TRRAP: variants seen among roughly 807,000 people sequenced by gnomAD.
The protein encoded by TRRAP is transformation/transcription domain associated protein.
In TRRAP, 41 loss-of-function variants were observed where a neutral mutation model predicts 438.8. That is an observed-to-expected ratio of 0.09 (90% CI 0.07 to 0.12). The LOEUF (loss-of-function observed/expected upper bound fraction) is 0.12. TRRAP is among the 10% of genes least tolerant of loss of function. The probability of loss-of-function intolerance (pLI) is 1.00; values close to 1 mark genes in which losing one functional copy is unlikely to be tolerated. For missense variants in TRRAP, 3,122 were observed against 5,055.1 expected (o/e 0.62, Z 11.60); for synonymous variants, 1,994 against 1,962.9 (o/e 1.02, Z -0.42).
chr7:98,951,169 C>G (rs983117411), intron 39 of TRRAP, among the ~76,000 whole-genome samples, 165 bp downstream of exon 39: 2 of 151,354 alleles, frequency 1.3e-5, no homozygotes, highest in African/African-American at 4.9e-5. Context: ...TTTAGCAGAC[C>G]GTCACCTTAA....
intron 67 of TRRAP, among the ~76,000 whole-genome samples, chr7:99,001,902 A>C (rs1204794057): frequency 5.3e-5 from 8 of 152,216 alleles, no homozygotes; most frequent in Non-Finnish European, 1.2e-4. Context: ...ACTGGAAACC[A>C]TGCAGATGCC....
Position 98,976,040 on chromosome 7 carries a change from G to A in TRRAP, c.7840-109G>A. On this transcript the variant is annotated intron_variant, in intron 53 of 72. Transcript: ENST00000456197. This position sits in a 1 kb window ranked among gnomAD's most constrained non-coding sequence, Gnocchi z 4.6. Reference sequence around the variant, plus strand: ...CTCAGATCTTTGAAACTTTGAAAGTGGAGGAGCATCGGTAATGTATGAGAC... The same window carrying A: ...CTCAGATCTTTGAAACTTTGAAAGTAGAGGAGCATCGGTAATGTATGAGAC... 1 of 1,348,532 alleles carries A rather than the reference G, an allele frequency of 7.4e-7. No individual in the cohort carries two copies. Among genetic ancestry groups the A allele is most frequent in the Non-Finnish European group, 1.0e-6 (1 of 1,001,344 alleles). 83.5% of individuals were successfully genotyped at this position (1,348,532 alleles called of 1,614,324 possible). A position where few individuals can be genotyped will look rare whatever the true frequency, so the allele number is the denominator to read the frequency against.
At position 98,994,515 on chromosome 7, in the gene TRRAP, T is replaced by C. The variant is rs1793565273; in HGVS notation, c.10048-72T>C. 3 of 1,596,410 alleles carry C rather than the reference T, an allele frequency of 1.9e-6. No homozygotes were observed. The highest frequency in any genetic ancestry group is 2.7e-5 in the African/African-American group (2 of 74,568). ...CCTGGGCTGGGAGGGCCGCACTCAA[T>C]AGGCGCTTTTGGCTGCTGGTTCTGG... On this transcript the variant is annotated intron_variant, in intron 66 of 72. Transcript: ENST00000456197. The surrounding 1 kb of genome is among the most constrained non-coding windows in gnomAD (Gnocchi z 4.8).
At chr7:98,885,051 A>T (rs782354087) in intron 3 of TRRAP, among the ~76,000 whole-genome samples, 2 of 152,122 alleles carry the variant, frequency 1.3e-5, no homozygotes, top group Non-Finnish European at 2.9e-5. Context: ...ACATATAAGC[A>T]TGAAACCCCA....
At chr7:98,931,780 G>A in intron 26 of TRRAP, 115 bp downstream of exon 26, 1 of 1,441,076 alleles carries the variant, frequency 6.9e-7, no homozygotes, top group Non-Finnish European at 9.3e-7. Context: ...TATCTGTGGG[G>A]CCTTGGTTCC....
chr7:98,919,242 G>C (rs1789674896), intron 20 of TRRAP, among the ~76,000 whole-genome samples: 1 of 152,132 alleles, frequency 6.6e-6, no homozygotes, highest in Non-Finnish European at 1.5e-5. Context: ...GACTGAGTTT[G>C]AGGTTGGGAT....
At chr7:98,880,882 A>G (rs1326493875) in intron 1 of TRRAP, among the ~76,000 whole-genome samples, 4 of 152,232 alleles carry the variant, frequency 2.6e-5, no homozygotes, top group Non-Finnish European at 4.4e-5. Flanking sequence ...AGGAAGGAAC[A>G]GTATCTGCAT....
intron 56 of TRRAP, among the ~76,000 whole-genome samples, 192 bp from the exon 57 acceptor site, chr7:98,978,019 C>T (rs997764382): frequency 1.3e-5 from 2 of 152,188 alleles, no homozygotes; most frequent in African/African-American, 4.8e-5. Context: ...CAGGCAGGCA[C>T]CTGTAGCCCA....
chr7:98,995,471 A>G (rs542657867), intron 67 of TRRAP, among the ~76,000 whole-genome samples: 4 of 152,196 alleles, frequency 2.6e-5, no homozygotes, highest in African/African-American at 7.2e-5. Context: ...GATTCTGGGC[A>G]TCGTAATAGG....
chr7:98,917,432 T>C lies in TRRAP; in HGVS notation c.2375T>C (p.Met792Thr). The C allele has an allele frequency of 6.2e-7, 1 of 1,614,056 alleles. No individual in the cohort carries two copies. The highest frequency in any genetic ancestry group is 8.5e-7 in the Non-Finnish European group (1 of 1,179,940). The change falls in exon 20 of 73, where the codon ATG becomes ACG. Residue 792 changes from methionine (M) to threonine (T), a missense_variant. Coordinates refer to ENST00000456197, the MANE Select transcript of TRRAP (RefSeq NM_001375524.1). Reference sequence around the variant, plus strand: ...GCACCCCCTTCCCTAGGGCTGAACATGCTTCAGAGTGGCCTGCACAAGCAG... The same window carrying C: ...GCACCCCCTTCCCTAGGGCTGAACACGCTTCAGAGTGGCCTGCACAAGCAG... ...LLPNLLQGLN[M>T]LQSGLHKQHM...
At chr7:98,984,477 A>T in intron 61 of TRRAP, 119 bp downstream of exon 61, 1 of 1,262,502 alleles carries the variant, frequency 7.9e-7, no homozygotes, top group South Asian at 1.7e-5. Context: ...CTTTCCACAA[A>T]TACAGCCTCA....
chr7:98,992,078 A>G (rs1793452558), intron 64 of TRRAP, 59 bp from the exon 65 acceptor site: 1 of 1,572,020 alleles, frequency 6.4e-7, no homozygotes, highest in Non-Finnish European at 8.8e-7. Context: ...AGTACAAATT[A>G]TCTTTATCCA....
intron 67 of TRRAP, among the ~76,000 whole-genome samples, chr7:98,997,371 C>T (rs1181967669): frequency 6.7e-6 from 1 of 150,368 alleles, no homozygotes; most frequent in East Asian, 2.0e-4. Context: ...TCTTACTTTA[C>T]TACCAAGCCA....
chr7:98,918,470 C>A (rs992586446), intron 20 of TRRAP, among the ~76,000 whole-genome samples: 1 of 151,642 alleles, frequency 6.6e-6, no homozygotes, highest in Non-Finnish European at 1.5e-5. Context: ...CCTCATGATC[C>A]GCCCACCTCA....
At chr7:98,916,911 C>T (rs1171238833) in intron 19 of TRRAP, among the ~76,000 whole-genome samples, 2 of 152,130 alleles carry the variant, frequency 1.3e-5, no homozygotes, top group Non-Finnish European at 2.9e-5. Flanking sequence ...CAGGACGTGC[C>T]TTTTCTTGGG....
At chr7:98,902,322 G>T (rs1554406770) in intron 11 of TRRAP, among the ~76,000 whole-genome samples, 1 of 152,150 alleles carries the variant, frequency 6.6e-6, no homozygotes, top group Non-Finnish European at 1.5e-5. Flanking sequence ...TAAATCATGA[G>T]AACTTGAAGG....
intron 12 of TRRAP, 60 bp from the exon 13 acceptor site, chr7:98,906,117 T>A (rs1554407476): frequency 6.7e-7 from 1 of 1,501,592 alleles, no homozygotes; most frequent in East Asian, 2.3e-5. Context: ...CACTGTAAAG[T>A]AATTTAATGT....
intron 67 of TRRAP, chr7:98,999,324 T>TC: frequency 7.3e-7 from 1 of 1,377,354 alleles, no homozygotes; most frequent in Non-Finnish European, 1.0e-6. Context: ...TTGATCAAAG[T>TC]CCAAGATTTC....
At chr7:99,007,467 G>A (rs909514234) in intron 69 of TRRAP, among the ~76,000 whole-genome samples, 1 of 152,090 alleles carries the variant, frequency 6.6e-6, no homozygotes, top group Non-Finnish European at 1.5e-5. Flanking sequence ...TTCTGCCTCA[G>A]CCTCCCGAGT....
Sources: gnomAD v4.1 joint callset for allele counts (sites outside exome capture counted in the v4.1 genomes callset) on GRCh38, gnomAD v4.1.1 for gene constraint, Gnocchi (gnomAD v3.1) non-coding constraint, MANE v1.5 for transcripts, NCBI Gene and HGNC (gene_info 2026-07-23, HGNC 2026-07-21) for gene names.